NUDT6: variants seen among roughly 807,000 people sequenced by gnomAD.
NUDT6 encodes FAD diphosphatase NUDT6.
In NUDT6, 24 loss-of-function variants were observed where a neutral mutation model predicts 36.8. The observed-to-expected ratio is 0.65, with a 90% CI of 0.47 to 0.92. NUDT6 has a LOEUF of 0.92. Among genes scored for constraint, NUDT6 ranks in the 40% least tolerant of loss-of-function variants. The pLI is 0.00. For synonymous variants in NUDT6, 163 were observed against 157.0 expected (o/e 1.04, Z -0.29); for missense variants, 388 against 392.8 (o/e 0.99, Z 0.10).
chr4:122,913,396 C>T (rs1727769376), intron 2 of NUDT6: 1 of 152,122 alleles, frequency 6.6e-6, no homozygotes, highest in Non-Finnish European at 1.5e-5. Flanking sequence ...GATCTAGTCA[C>T]CTCCCAAAGG....
At chr4:122,916,657 G>C (rs1312678310) in intron 2 of NUDT6, among the ~76,000 whole-genome samples, 1 of 152,140 alleles carries the variant, frequency 6.6e-6, no homozygotes, top group Non-Finnish European at 1.5e-5. Flanking sequence ...TCTGTCTACT[G>C]ATTGAGGCAA....
Position 122,922,554 on chromosome 4 carries a change from AGCTCAGTG to A in NUDT6, c.11_18del (p.Pro4LeufsTer84), listed in dbSNP as rs769058797. 6.2e-7 allele frequency: 1 copy of A among 1,600,558 alleles called. No homozygotes were observed. The highest frequency in any genetic ancestry group is 8.5e-7 in the Non-Finnish European group (1 of 1,176,958). On this transcript the variant is annotated frameshift_variant, in exon 1 of 5. Transcript: ENST00000304430. LOFTEE classifies it high-confidence loss of function. ...GCAAGCATCGCGCGCCAGCGGCCCC[AGCTCAGTG>A]GCTGCCGCATCTCCACGCCGCTTAA...
At chr4:122,919,045 C>T (rs1390350728) in intron 1 of NUDT6, 1 of 152,242 alleles carries the variant, frequency 6.6e-6, no homozygotes. Context: ...TTTATATCTA[C>T]ACTCTGTGTC....
chr4:122,900,853 T>C (rs1727507699), intron 3 of NUDT6, among the ~76,000 whole-genome samples: 1 of 152,166 alleles, frequency 6.6e-6, no homozygotes, highest in African/African-American at 2.4e-5. Context: ...TTTCCCCATC[T>C]AGAATGTTCT....
intron 3 of NUDT6, 165 bp from the exon 4 acceptor site, chr4:122,897,843 CT>C: frequency 8.4e-6 from 5 of 596,526 alleles, no homozygotes; most frequent in South Asian, 2.2e-5. Context: ...CTCGTTTCTT[CT>C]TTTTTTGGGG....
At position 122,892,756 on chromosome 4, in the gene NUDT6, A is replaced by G. The variant is rs1727221753; in HGVS notation, c.*72T>C. The G allele has an allele frequency of 2.1e-5, 29 of 1,389,488 alleles. 3 individuals are homozygous for G. The South Asian group carries it at 4.3e-4, about 21-fold the overall frequency. 86.1% of individuals were successfully genotyped at this position (1,389,488 alleles called of 1,614,324 possible). On this transcript the variant is annotated 3_prime_UTR_variant, in exon 5 of 5. Transcript: ENST00000304430. ...TTAGAAAATCACAGTCAGATGTTTA[A>G]TCAATCCAAAATGTCCACTATTTCT...
At chr4:122,915,522 A>G (rs1368182140) in intron 2 of NUDT6, among the ~76,000 whole-genome samples, 3 of 150,522 alleles carry the variant, frequency 2.0e-5, no homozygotes, top group Non-Finnish European at 4.4e-5. Context: ...TTCCAGAACA[A>G]TTTCTTACAT....
rs772207469 is a variant in NUDT6 at position 122,922,566 on chromosome 4, G to T, written c.7C>A (p.Gln3Lys). The change falls in exon 1 of 5, where the codon CAG becomes AAG. Residue 3 changes from glutamine (Q) to lysine (K), a missense_variant. By Grantham distance (53) the Gln-to-Lys change is moderately conservative. Transcript: ENST00000304430. Reference sequence around the variant, plus strand: ...CGCCAGCGGCCCCAGCTCAGTGGCTGCCGCATCTCCACGCCGCTTAATTCG... The same window carrying T: ...CGCCAGCGGCCCCAGCTCAGTGGCTTCCGCATCTCCACGCCGCTTAATTCG... MR[Q>K]PLSWGRWRAM... 1 of 1,594,032 alleles carries T rather than the reference G, an allele frequency of 6.3e-7. No homozygotes were observed. The highest frequency in any genetic ancestry group is 8.5e-7 in the Non-Finnish European group (1 of 1,174,846).
intron 1 of NUDT6, 134 bp from the exon 2 acceptor site, chr4:122,917,838 C>T (rs886564565): frequency 4.6e-5 from 32 of 690,238 alleles, no homozygotes; most frequent in East Asian, 2.2e-4. Flanking sequence ...TTGTTCACAT[C>T]GCTGGCACTG....
rs1044941284 is a variant in NUDT6, at chr4:122,922,345, C to G, written c.228G>C (p.Lys76Asn). The G allele has an allele frequency of 1.2e-6, 2 of 1,600,844 alleles. No individual in the cohort carries two copies. The highest frequency in any genetic ancestry group is 2.7e-5 in the African/African-American group (2 of 74,890). ...LDRLDAAAFQ[K>N]GLQAAVQQWR... ...CCCAGGCGCACTTGCCCTGCAAGCC[C>G]TTCTGGAAGGCGGCAGCGTCCAGGC... Residue 76 changes from lysine to asparagine, a missense_variant, in exon 1 of 5, where the codon AAG becomes AAC. Physicochemically the swap from Lys to Asn is moderately conservative, Grantham distance 94 (BLOSUM62 0). Transcript: ENST00000304430.
intron 2 of NUDT6, among the ~76,000 whole-genome samples, chr4:122,916,964 T>A (rs1047425796): frequency 6.6e-6 from 1 of 152,194 alleles, no homozygotes; most frequent in East Asian, 1.9e-4. Context: ...TGGGGAAGAT[T>A]CACGGCCTGG....
chr4:122,893,068 A>G lies in NUDT6; in HGVS notation c.711T>C (p.Asn237=), dbSNP rs1727235141. The stretch of plus-strand genomic sequence containing the variant: ...ATCTTAAGCATTCTTCCTGGCAAAA[A>G]TTTATGGTGAATGAATATGGCTTTA... ...CRLKPYSFTI[N]FCQEECLRCE... Residue 237 remains asparagine, a synonymous_variant, in exon 5 of 5, where the codon AAT becomes AAC. Coordinates refer to ENST00000304430, the MANE Select transcript of NUDT6 (RefSeq NM_007083.5). 6.2e-7 allele frequency: 1 copy of G among 1,614,010 alleles called. No homozygotes were observed. Among genetic ancestry groups the G allele is most frequent in the South Asian group, 1.1e-5 (1 of 91,082 alleles).
At chr4:122,907,901 C>T (rs533301061) in intron 3 of NUDT6, among the ~76,000 whole-genome samples, 7 of 152,146 alleles carry the variant, frequency 4.6e-5, no homozygotes, top group South Asian at 2.1e-4. Context: ...CGATTTGGTG[C>T]ACCTTGCAAC....
Position 122,893,200 on chromosome 4 carries a change from A to T in NUDT6, c.579T>A (p.Phe193Leu). 1 of 1,609,412 alleles carries T rather than the reference A, an allele frequency of 6.2e-7. No individual in the cohort carries two copies. The stretch of plus-strand genomic sequence containing the variant: ...ATTCTGATTTTATACCAGTCTCTTC[A>T]AAAACTTCTCGAACCGCTGTGTCTC... ...DIGDTAVREV[F>L]EETGIKSEFR... Residue 193 changes from phenylalanine to leucine, a missense_variant, in exon 5 of 5, where the codon TTT (phenylalanine) becomes TTA (leucine). Transcript: ENST00000304430.
At position 122,904,977 on chromosome 4, in the gene NUDT6, G is replaced by A. The variant is rs188483823; in HGVS notation, c.499-7299C>T. 8.7e-3 allele frequency among the ~76,000 whole-genome samples: 1,320 copies of A among 152,316 alleles called. 7 individuals carry two copies. The highest frequency in any genetic ancestry group is 0.071 in the Middle Eastern group (21 of 294). On this transcript the variant is annotated intron_variant, in intron 3 of 4. Transcript: ENST00000304430. Reference sequence around the variant, plus strand: ...CTCTTAAAGGTGGCACAGACCCAAAGAGCGAGCAGCAGCAAGATTTACTAT... The same window carrying A: ...CTCTTAAAGGTGGCACAGACCCAAAAAGCGAGCAGCAGCAAGATTTACTAT...
chr4:122,918,620 A>T (rs1727901159), intron 1 of NUDT6: 1 of 152,174 alleles, frequency 6.6e-6, no homozygotes, highest in Non-Finnish European at 1.5e-5. Flanking sequence ...CAAATAGTTA[A>T]TTAACTTTCC....
intron 3 of NUDT6, among the ~76,000 whole-genome samples, chr4:122,906,400 C>G (rs1727616735): frequency 6.6e-6 from 1 of 152,172 alleles, no homozygotes. Context: ...TACCAAACGA[C>G]TCAATACTTC....
intron 3 of NUDT6, among the ~76,000 whole-genome samples, chr4:122,905,230 G>A (rs2150803950): frequency 6.6e-6 from 1 of 152,300 alleles, no homozygotes; most frequent in Non-Finnish European, 1.5e-5. Flanking sequence ...GATCTGGGAA[G>A]TCCAGCTGGC....
chr4:122,912,707 TA>T, intron 2 of NUDT6, 84 bp from the exon 3 acceptor site: 1 of 858,480 alleles, frequency 1.2e-6, no homozygotes. Flanking sequence ...TCTGTGGTGA[TA>T]AAAATTCTAC....
Sources: allele counts gnomAD v4.1 joint callset (sites outside exome capture counted in the v4.1 genomes callset), GRCh38; gene constraint gnomAD v4.1.1; transcripts MANE v1.5; gene names NCBI Gene and HGNC (gene_info 2026-07-23, HGNC 2026-07-21).